Variants in MYO16 observed in about 807,000 individuals in gnomAD.
The protein encoded by MYO16 is unconventional myosin-XVI.
Under a neutral mutation model 205.3 loss-of-function variants are expected in MYO16, and 94 were observed. The observed-to-expected ratio is 0.46, with a 90% CI of 0.39 to 0.54. The LOEUF is 0.54. Among genes scored for constraint, MYO16 ranks in the 20% least tolerant of loss-of-function variants. MYO16 has a pLI of 0.00. For missense variants in MYO16, 2,315 were observed against 2,387.5 expected, an observed-to-expected ratio of 0.97 and a Z score of 0.63; for synonymous variants, 988 against 954.0, an observed-to-expected ratio of 1.04 and a Z score of -0.66.
chr13:108,856,182 A>ATCTCTT (rs983890843), intron 11 of MYO16, among the ~76,000 whole-genome samples: 6 of 152,104 alleles, frequency 3.9e-5, no homozygotes, highest in East Asian at 1.9e-4. Flanking sequence ...ATCAAAATCA[A>ATCTCTT]TCTCTTTCTC....
At position 109,140,433 on chromosome 13, in the gene MYO16, C is replaced by T. The variant is rs1876994162; in HGVS notation, c.4221C>T (p.Arg1407=). 1.3e-6 allele frequency: 2 copies of T among 1,559,284 alleles called. No homozygotes were observed. Among genetic ancestry groups the T allele is most frequent in the Non-Finnish European group, 8.6e-7 (1 of 1,159,746 alleles). The change falls in exon 32 of 35, where the codon CGC becomes CGT. Residue 1407 remains arginine (R), a synonymous_variant. Transcript: ENST00000457511. This position sits in a 1 kb window ranked among gnomAD's most constrained non-coding sequence, Gnocchi z 8.0. The part of the protein sequence containing the change: ...RPAGAPGAAA[R]VLTPGTPQCA... ...CGGGCGCCCCGGGGGCAGCAGCGCGCGTTCTGACCCCCGGGACTCCGCAGT... is the reference window on the plus strand; with the variant it reads ...CGGGCGCCCCGGGGGCAGCAGCGCGTGTTCTGACCCCCGGGACTCCGCAGT...
intron 1 of MYO16, among the ~76,000 whole-genome samples, chr13:108,613,576 C>T (rs1274496139): frequency 1.3e-5 from 2 of 151,976 alleles, no homozygotes; most frequent in Non-Finnish European, 2.9e-5. Context: ...GACAAAAGTC[C>T]CTTATGAATA....
At chr13:109,003,204 C>G (rs1166230939) in intron 21 of MYO16, among the ~76,000 whole-genome samples, 6 of 152,136 alleles carry the variant, frequency 3.9e-5, no homozygotes, top group African/African-American at 1.4e-4. Context: ...AGATTTAGTT[C>G]CAGAAGGCAC....
chr13:108,816,200 TATG>T (rs904183059), intron 7 of MYO16, among the ~76,000 whole-genome samples: 16 of 152,130 alleles, frequency 1.1e-4, no homozygotes, highest in African/African-American at 3.6e-4. Flanking sequence ...AGTATAATAT[TATG>T]ATGAACTTTG....
In MYO16 at chr13:109,055,201, T is replaced by G; in HGVS notation, c.3129+75T>G. 7.7e-7 allele frequency: 1 copy of G among 1,302,156 alleles called. No individual in the cohort carries two copies. Among genetic ancestry groups the G allele is most frequent in the South Asian group, 1.4e-5 (1 of 72,334 alleles). The allele number at this position is 1,302,156 out of a possible 1,614,324, so 80.7% of individuals were successfully genotyped here. A position where few individuals can be genotyped will look rare whatever the true frequency, so the allele number is the denominator to read the frequency against. ...TAAAGAGGGTTTATGTAGACTTTTT[T>G]TTCCATTTTTGACAACTTAAATATC... is the stretch of plus-strand genomic sequence containing the variant. On this transcript the variant is annotated intron_variant, in intron 26 of 34. Coordinates refer to ENST00000457511, the MANE Select transcript of MYO16 (RefSeq NM_001198950.3). This position sits in a 1 kb window ranked among gnomAD's most constrained non-coding sequence, Gnocchi z 5.0.
intron 16 of MYO16, among the ~76,000 whole-genome samples, chr13:108,921,018 T>C (rs1881725101): frequency 6.6e-6 from 1 of 152,202 alleles, no homozygotes; most frequent in Non-Finnish European, 1.5e-5. Context: ...CAGTTCCACA[T>C]GTGTGTGTGA....
At chr13:108,604,197 G>A (rs139770602) in intron 1 of MYO16, among the ~76,000 whole-genome samples, 1 of 152,224 alleles carries the variant, frequency 6.6e-6, no homozygotes, top group African/African-American at 2.4e-5. Flanking sequence ...CCCCAAGAGT[G>A]GGGAACAATT....
chr13:109,145,594 A>C (rs1170139869), intron 32 of MYO16, among the ~76,000 whole-genome samples: 1 of 152,236 alleles, frequency 6.6e-6, no homozygotes, highest in Non-Finnish European at 1.5e-5. Flanking sequence ...CTAGACATAA[A>C]GATCCCATTA....
chr13:108,849,525 T>TTGTGTG lies in MYO16; in HGVS notation c.1248+5054_1248+5059dup, dbSNP rs112815062. 1.7e-3 allele frequency among the ~76,000 whole-genome samples: 215 copies of TTGTGTG among 127,762 alleles called. 6 individuals are homozygous for TTGTGTG. Among genetic ancestry groups the TTGTGTG allele is most frequent in the Middle Eastern group, 4.2e-3 (1 of 240 alleles). 83.8% of individuals were successfully genotyped at this position (127,762 alleles called of 152,430 possible). On this transcript the variant is annotated intron_variant, in intron 10 of 34. Transcript: ENST00000457511. ...TCTTTTTTTTTTTTAATTTCCTCCT[T>TTGTGTG]TGTGTGTGTGTGTGTGTGTGTGTGT...
At chr13:108,753,384 A>AAAAAAAAAAAC (rs1444652159) in intron 4 of MYO16, among the ~76,000 whole-genome samples, 38 of 145,764 alleles carry the variant, frequency 2.6e-4, no homozygotes, top group African/African-American at 1.1e-3. Context: ...AAAAAAAAAA[A>AAAAAAAAAAAC]AAAAAAAAAA....
At chr13:108,650,861 T>C (rs1195672786) in intron 1 of MYO16, among the ~76,000 whole-genome samples, 2 of 152,168 alleles carry the variant, frequency 1.3e-5, no homozygotes, top group African/African-American at 4.8e-5. Context: ...TGAAGGCATC[T>C]GGAAACAGCC....
intron 5 of MYO16, 116 bp downstream of exon 5, chr13:108,785,859 T>C: frequency 1.5e-6 from 1 of 645,764 alleles, no homozygotes; most frequent in Non-Finnish European, 2.6e-6. Context: ...CCGCACGTGG[T>C]GTAGAAGATG....
At chr13:108,896,853 T>C (rs1880439629) in intron 14 of MYO16, among the ~76,000 whole-genome samples, 1 of 151,936 alleles carries the variant, frequency 6.6e-6, no homozygotes, top group African/African-American at 2.4e-5. Flanking sequence ...GCCCTTGTAA[T>C]CCCAGCTACT....
At chr13:109,163,928 C>T (rs1239274433) in intron 32 of MYO16, 1 of 152,172 alleles carries the variant, frequency 6.6e-6, no homozygotes, top group Non-Finnish European at 1.5e-5. Flanking sequence ...ATTTATTAGT[C>T]TAAATCTTTA....
intron 34 of MYO16, among the ~76,000 whole-genome samples, chr13:109,203,603 G>A (rs1880486661): frequency 6.6e-6 from 1 of 152,094 alleles, no homozygotes; most frequent in South Asian, 2.1e-4. Flanking sequence ...GCCTTTCATT[G>A]CGAGGTCTTT....
chr13:108,761,556 T>G (rs1885610743), intron 4 of MYO16, among the ~76,000 whole-genome samples: 1 of 152,098 alleles, frequency 6.6e-6, no homozygotes, highest in Non-Finnish European at 1.5e-5. Context: ...AATCTGAGAT[T>G]GGGAAAAATG....
upstream of MYO16, among the ~76,000 whole-genome samples, chr13:108,593,517 C>A (rs910597000): frequency 2.0e-5 from 3 of 152,088 alleles, no homozygotes; most frequent in African/African-American, 7.2e-5. Context: ...GAGTATGAAG[C>A]CCCACGGACG....
intron 20 of MYO16, among the ~76,000 whole-genome samples, chr13:108,990,298 A>T (rs1884786049): frequency 6.6e-6 from 1 of 152,152 alleles, no homozygotes. Context: ...GGAGAGGAGG[A>T]TGCATGGATG....
At chr13:108,904,974 C>T (rs1327827320) in intron 15 of MYO16, among the ~76,000 whole-genome samples, 2 of 152,172 alleles carry the variant, frequency 1.3e-5, no homozygotes, top group Non-Finnish European at 2.9e-5. Flanking sequence ...AAATAATATA[C>T]TGTCTTCATT....
Sources: gnomAD v4.1 joint callset for allele counts (sites outside exome capture counted in the v4.1 genomes callset) on GRCh38, gnomAD v4.1.1 for gene constraint, Gnocchi (gnomAD v3.1) non-coding constraint, MANE v1.5 for transcripts, NCBI Gene and HGNC (gene_info 2026-07-23, HGNC 2026-07-21) for gene names.